Variants in GABBR2 observed in about 807,000 individuals in gnomAD.
GABBR2 encodes gamma-aminobutyric acid type B receptor subunit 2.
In GABBR2, 23 loss-of-function variants were observed where a neutral mutation model predicts 105.6. That is an observed-to-expected ratio of 0.22 (90% CI 0.16 to 0.31). GABBR2 has a LOEUF of 0.31. Among genes scored for constraint, GABBR2 ranks in the 10% least tolerant of loss-of-function variants. GABBR2 has a pLI of 1.00. For synonymous variants in GABBR2, 478 were observed against 499.7 expected, an observed-to-expected ratio of 0.96 and a Z score of 0.58; for missense variants, 734 against 1,245.5, an observed-to-expected ratio of 0.59 and a Z score of 6.18.
chr9:98,537,857 C>CA (rs1363820075), intron 3 of GABBR2, among the ~76,000 whole-genome samples: 15 of 152,076 alleles, frequency 9.9e-5, no homozygotes, highest in Non-Finnish European at 4.4e-5. Flanking sequence ...GAAGAAAATC[C>CA]AAAAATGTAC....
rs1301067543 is a variant in GABBR2, at chr9:98,454,077, G to T, written c.1140C>A (p.Ser380Arg). ...QRAMETLHASSRHQRIQDFNY... is the reference protein window; with the variant it reads ...QRAMETLHASRRHQRIQDFNY... Reference sequence around the variant, plus strand: ...TGAAGTCCTGGATCCGCTGGTGCCGGCTGCTGGCATGCAGTGTCTCCATGG... The same window carrying T: ...TGAAGTCCTGGATCCGCTGGTGCCGTCTGCTGGCATGCAGTGTCTCCATGG... The change falls in exon 7 of 19, where the codon AGC (serine) becomes AGA (arginine). Residue 380 changes from serine (S) to arginine (R), a missense_variant. Around this residue, in one of 7 missense-constraint regions of GABBR2, gnomAD observed 370 missense variants for 648.9 expected, o/e 0.57. Transcript: ENST00000259455. The surrounding 1 kb of genome is among the most constrained non-coding windows in gnomAD (Gnocchi z 4.6). 6.2e-7 allele frequency: 1 copy of T among 1,614,004 alleles called. No individual in the cohort carries two copies. Among genetic ancestry groups the T allele is most frequent in the African/African-American group, 1.3e-5 (1 of 74,890 alleles).
At chr9:98,514,761 G>A (rs1299893208) in intron 3 of GABBR2, among the ~76,000 whole-genome samples, 2 of 151,998 alleles carry the variant, frequency 1.3e-5, no homozygotes, top group Non-Finnish European at 2.9e-5. Flanking sequence ...TAACAAATCT[G>A]CACGTTGTGC....
At chr9:98,618,130 T>C (rs942581986) in intron 1 of GABBR2, among the ~76,000 whole-genome samples, 2 of 152,212 alleles carry the variant, frequency 1.3e-5, no homozygotes, top group Non-Finnish European at 2.9e-5. Flanking sequence ...TGTGTCCCCA[T>C]GGCTGTCAGG....
chr9:98,311,679 C>A (rs1157749867), intron 13 of GABBR2, among the ~76,000 whole-genome samples: 1 of 152,238 alleles, frequency 6.6e-6, no homozygotes, highest in Non-Finnish European at 1.5e-5. Flanking sequence ...TCTGAGGAGA[C>A]CCTCTTGCCC....
intron 3 of GABBR2, among the ~76,000 whole-genome samples, chr9:98,532,689 C>A (rs2131728805): frequency 6.6e-6 from 1 of 152,300 alleles, no homozygotes; most frequent in South Asian, 2.1e-4. Flanking sequence ...AAAGCTGAGC[C>A]CATCCCACAG....
Position 98,418,837 on chromosome 9 carries a change from C to T in GABBR2, c.1237-12696G>A, listed in dbSNP as rs568385621. On this transcript the variant is annotated intron_variant, in intron 7 of 18. Transcript: ENST00000259455. ...AGCCAAGGGAGCTTTGTAGCTACAGCGCCATGCATCACCAAGCCTCTGCCC... is the reference window on the plus strand; with the variant it reads ...AGCCAAGGGAGCTTTGTAGCTACAGTGCCATGCATCACCAAGCCTCTGCCC... Among the ~76,000 whole-genome samples, 170 of 152,342 alleles carry T rather than the reference C, an allele frequency of 1.1e-3. No homozygotes were observed. The Middle Eastern group carries it at 0.014, about 12-fold the overall frequency.
intron 3 of GABBR2, among the ~76,000 whole-genome samples, chr9:98,505,770 C>T (rs1827497916): frequency 6.6e-6 from 1 of 152,158 alleles, no homozygotes; most frequent in Non-Finnish European, 1.5e-5. Context: ...GCACCTGGAG[C>T]CACCAGAAGC....
chr9:98,295,330 T>C (rs1300171928), intron 17 of GABBR2, among the ~76,000 whole-genome samples: 1 of 152,156 alleles, frequency 6.6e-6, no homozygotes, highest in Non-Finnish European at 1.5e-5. Context: ...TCACATTTTG[T>C]GCTGTGTGTT....
At chr9:98,613,248 G>A (rs966826757) in intron 1 of GABBR2, among the ~76,000 whole-genome samples, 3 of 152,144 alleles carry the variant, frequency 2.0e-5, no homozygotes, top group African/African-American at 7.2e-5. Flanking sequence ...AGACCAGCCT[G>A]GGCAACATAA....
At chr9:98,301,336 C>T (rs761067770) in intron 16 of GABBR2, among the ~76,000 whole-genome samples, 6 of 152,186 alleles carry the variant, frequency 3.9e-5, no homozygotes, top group Non-Finnish European at 8.8e-5. Context: ...CCAGCGGGTG[C>T]CTGCTGCTCG....
intron 1 of GABBR2, among the ~76,000 whole-genome samples, chr9:98,662,059 G>T (rs752848539): frequency 9.9e-5 from 15 of 152,146 alleles, no homozygotes; most frequent in Non-Finnish European, 1.9e-4. Context: ...ACTCTTACAG[G>T]TGTTATTCCT....
chr9:98,510,484 TAA>T (rs968130509), intron 3 of GABBR2, among the ~76,000 whole-genome samples: 2 of 152,036 alleles, frequency 1.3e-5, no homozygotes, highest in Admixed American at 6.5e-5. Flanking sequence ...GCAAATTGGA[TAA>T]AGAGTCAAGA....
intron 1 of GABBR2, among the ~76,000 whole-genome samples, chr9:98,668,397 G>GT (rs530781828): frequency 6.6e-6 from 1 of 152,124 alleles, no homozygotes; most frequent in Non-Finnish European, 1.5e-5. Context: ...CATTTTATGG[G>GT]TTTTTTTCAC....
intron 13 of GABBR2, among the ~76,000 whole-genome samples, chr9:98,337,266 A>T (rs4743207): frequency 0.44 from 67,269 of 151,880 alleles, 15,009 homozygotes; most frequent in African/African-American, 0.48. Context: ...GATTGCACCA[A>T]TGCACTCCCG....
chr9:98,392,329 C>T (rs916213012), intron 9 of GABBR2, among the ~76,000 whole-genome samples: 51 of 152,168 alleles, frequency 3.4e-4, no homozygotes, highest in African/African-American at 1.2e-3. Flanking sequence ...ATTCGTAAAC[C>T]CAGAGTCCTT....
At chr9:98,492,349 T>TAAAAAAAGAAAAAA (rs1827192701) in intron 4 of GABBR2, among the ~76,000 whole-genome samples, 1 of 29,218 alleles carries the variant, frequency 3.4e-5, no homozygotes. Flanking sequence ...TGTTTCCTAG[T>TAAAAAAAGAAAAAA]AAAAAAAAAA....
intron 2 of GABBR2, among the ~76,000 whole-genome samples, chr9:98,562,532 T>C (rs944947284): frequency 6.6e-6 from 1 of 152,198 alleles, no homozygotes; most frequent in Non-Finnish European, 1.5e-5. Context: ...TGAAGTGTCA[T>C]TGTGTGTGCA....
intron 1 of GABBR2, among the ~76,000 whole-genome samples, chr9:98,635,061 C>T (rs1829859350): frequency 6.6e-6 from 1 of 152,224 alleles, no homozygotes; most frequent in Non-Finnish European, 1.5e-5. Flanking sequence ...TTCCTACAGG[C>T]TACTCAGTCC....
At chr9:98,322,169 G>T (rs974128292) in intron 13 of GABBR2, among the ~76,000 whole-genome samples, 4 of 151,766 alleles carry the variant, frequency 2.6e-5, no homozygotes, top group African/African-American at 4.8e-5. Flanking sequence ...GGGGCACCAG[G>T]GGCACCCTCT....
Sources: allele counts gnomAD v4.1 joint callset (sites outside exome capture counted in the v4.1 genomes callset), GRCh38; gene constraint gnomAD v4.1.1; regional missense constraint gnomAD v4.1.1; non-coding constraint Gnocchi (gnomAD v3.1); transcripts MANE v1.5; gene names NCBI Gene and HGNC (gene_info 2026-07-23, HGNC 2026-07-21).